Variants in TADA2A observed in about 807,000 individuals in gnomAD.
TADA2A encodes the protein transcriptional adaptor 2A, also known as transcriptional adapter 2-alpha.
Under a neutral mutation model 67.4 loss-of-function variants are expected in TADA2A, and 38 were observed. That is an observed-to-expected ratio of 0.56 (90% CI 0.44 to 0.74). TADA2A has a LOEUF of 0.74. TADA2A is among the 30% of genes least tolerant of loss of function. The pLI, the probability that TADA2A is intolerant of heterozygous loss-of-function variation, is 0.00. For synonymous variants in TADA2A, 192 were observed against 181.6 expected, an observed-to-expected ratio of 1.06 and a Z score of -0.46; for missense variants, 454 against 547.0, an observed-to-expected ratio of 0.83 and a Z score of 1.70.
At chr17:37,416,870 A>G (rs1408940646) in intron 2 of TADA2A, among the ~76,000 whole-genome samples, 1 of 150,880 alleles carries the variant, frequency 6.6e-6, no homozygotes, top group Non-Finnish European at 1.5e-5. Context: ...ACAGAACGAG[A>G]GTCCGCCTCA....
Position 37,458,561 on chromosome 17 carries a change from G to C in TADA2A, c.642G>C (p.Arg214Ser). Residue 214 changes from arginine to serine, a missense_variant, in exon 9 of 16, where the codon AGG becomes AGC. Arg to Ser is a moderately radical substitution (Grantham distance 110). Around this residue, in one of 2 missense-constraint regions of TADA2A, gnomAD observed 403 missense variants for 455.5 expected, o/e 0.88. Transcript: ENST00000615182. ...KMAVVDIYHS[R>S]LKERQRRKKI... ...CTGTGGTAGATATCTATCATTCCAG[G>C]TTAAAGGAGAGACAAAGACGAAAAA... 6.2e-7 allele frequency: 1 copy of C among 1,612,368 alleles called. No individual in the cohort carries two copies. The highest frequency in any genetic ancestry group is 1.1e-5 in the South Asian group (1 of 90,984).
intron 12 of TADA2A, among the ~76,000 whole-genome samples, chr17:37,468,565 C>G (rs1047732149): frequency 6.6e-6 from 1 of 150,400 alleles, no homozygotes; most frequent in Non-Finnish European, 1.5e-5. Flanking sequence ...CTGACTCTTG[C>G]TATGTTGCCC....
At chr17:37,415,692 C>T (rs369521276) in intron 2 of TADA2A, among the ~76,000 whole-genome samples, 6 of 149,822 alleles carry the variant, frequency 4.0e-5, no homozygotes, top group African/African-American at 1.3e-4. Context: ...AGCCTGACCA[C>T]CATGGTGAAG....
chr17:37,412,219 A>G (rs994487168), intron 2 of TADA2A, among the ~76,000 whole-genome samples: 2 of 56,576 alleles, frequency 3.5e-5, no homozygotes, highest in Non-Finnish European at 7.0e-5. Context: ...TCAAAAAAAG[A>G]AAAAAAAAAA....
At chr17:37,460,371 A>G (rs913277494) in intron 9 of TADA2A, among the ~76,000 whole-genome samples, 9 of 151,992 alleles carry the variant, frequency 5.9e-5, no homozygotes, top group Admixed American at 4.6e-4. Context: ...TCAGCCTCCC[A>G]AGAAGCTGGG....
intron 15 of TADA2A, among the ~76,000 whole-genome samples, chr17:37,476,548 C>G (rs931983040): frequency 6.6e-6 from 1 of 152,176 alleles, no homozygotes; most frequent in Non-Finnish European, 1.5e-5. Context: ...ACCCAGGCCC[C>G]TGAGCCAGCT....
At chr17:37,422,908 A>G (rs755339897) in intron 2 of TADA2A, among the ~76,000 whole-genome samples, 1 of 152,182 alleles carries the variant, frequency 6.6e-6, no homozygotes, top group Non-Finnish European at 1.5e-5. Flanking sequence ...ATGCTCCTGG[A>G]AAAATAAGTT....
Position 37,442,633 on chromosome 17 carries a change from C to T in TADA2A, c.512C>T (p.Ala171Val). ...CGGGACATGGCCGGGTACATGCCAGCTCGAGCAGATTTCATTGAGGTAGGA... is the reference window on the plus strand; with the variant it reads ...CGGGACATGGCCGGGTACATGCCAGTTCGAGCAGATTTCATTGAGGTAGGA... Reference protein sequence around the residue: ...LSRDMAGYMPARADFIEEFDN... With the variant: ...LSRDMAGYMPVRADFIEEFDN... The change falls in exon 7 of 16, where the codon GCT (alanine) becomes GTT (valine). Residue 171 changes from alanine (A) to valine (V), a missense_variant. Coordinates refer to ENST00000615182, the MANE Select transcript of TADA2A (RefSeq NM_001166105.3). 1 of 1,613,846 alleles carries T rather than the reference C, an allele frequency of 6.2e-7. No individual in the cohort carries two copies. Among genetic ancestry groups the T allele is most frequent in the Middle Eastern group, 1.6e-4 (1 of 6,062 alleles).
At chr17:37,449,811 A>AGGG (rs964894851) in intron 8 of TADA2A, among the ~76,000 whole-genome samples, 2 of 152,030 alleles carry the variant, frequency 1.3e-5, no homozygotes. Context: ...TTGTAGAGAC[A>AGGG]GGGTCTCACT....
At chr17:37,463,771 A>G (rs1336619357) in intron 10 of TADA2A, among the ~76,000 whole-genome samples, 1 of 151,338 alleles carries the variant, frequency 6.6e-6, no homozygotes, top group South Asian at 2.1e-4. Context: ...CAGCCTCCCA[A>G]GTAGCTCCAT....
intron 11 of TADA2A, among the ~76,000 whole-genome samples, chr17:37,466,100 A>G (rs949773970): frequency 6.6e-6 from 1 of 152,188 alleles, no homozygotes; most frequent in Non-Finnish European, 1.5e-5. Flanking sequence ...CATAGTTACC[A>G]TTTGATTTTT....
At chr17:37,424,714 AC>A (rs2052351256) in intron 3 of TADA2A, among the ~76,000 whole-genome samples, 1 of 151,582 alleles carries the variant, frequency 6.6e-6, no homozygotes, top group Non-Finnish European at 1.5e-5. Context: ...GCGCCACCAC[AC>A]CCGGCTAATT....
intron 2 of TADA2A, among the ~76,000 whole-genome samples, chr17:37,417,819 G>C (rs372707043): frequency 6.6e-6 from 1 of 152,078 alleles, no homozygotes; most frequent in African/African-American, 2.4e-5. Flanking sequence ...ACAGGCATGA[G>C]CCACCATGCC....
chr17:37,448,433 A>G (rs2053141585), intron 8 of TADA2A, among the ~76,000 whole-genome samples: 1 of 152,186 alleles, frequency 6.6e-6, no homozygotes, highest in Non-Finnish European at 1.5e-5. Context: ...GTGATCCCTA[A>G]TTGGTACTTA....
intron 6 of TADA2A, among the ~76,000 whole-genome samples, chr17:37,440,922 C>G (rs2052896912): frequency 6.6e-6 from 1 of 152,114 alleles, no homozygotes; most frequent in Non-Finnish European, 1.5e-5. Context: ...TGGCGAAACC[C>G]TGTCTCAACT....
chr17:37,446,530 G>A (rs1214498392), intron 8 of TADA2A, among the ~76,000 whole-genome samples: 3 of 151,620 alleles, frequency 2.0e-5, no homozygotes, highest in Non-Finnish European at 4.4e-5. Context: ...TTGGGAGGCC[G>A]AGGCTGGCTG....
At chr17:37,413,624 G>A (rs558479838) in intron 2 of TADA2A, among the ~76,000 whole-genome samples, 67 of 151,866 alleles carry the variant, frequency 4.4e-4, no homozygotes, top group Non-Finnish European at 6.3e-4. Flanking sequence ...ATAGCCCACT[G>A]GAGCCTTGAA....
At chr17:37,428,721 G>A (rs1320810802) in intron 4 of TADA2A, among the ~76,000 whole-genome samples, 1 of 152,032 alleles carries the variant, frequency 6.6e-6, no homozygotes, top group Non-Finnish European at 1.5e-5. Context: ...TGGGACTATA[G>A]GCACAAGCCA....
chr17:37,420,799 C>G (rs1023208876), intron 2 of TADA2A, among the ~76,000 whole-genome samples: 3 of 146,958 alleles, frequency 2.0e-5, no homozygotes, highest in Non-Finnish European at 4.6e-5. Flanking sequence ...AATACTGTTA[C>G]AGAATGTGAG....
Sources: gnomAD v4.1 joint callset for allele counts (sites outside exome capture counted in the v4.1 genomes callset) on GRCh38, gnomAD v4.1.1 for gene constraint, gnomAD v4.1.1 regional missense constraint, MANE v1.5 for transcripts, NCBI Gene and HGNC (gene_info 2026-07-23, HGNC 2026-07-21) for gene names.